IQGAP2: variants seen among roughly 807,000 people sequenced by gnomAD.
The protein encoded by IQGAP2 is IQ motif containing GTPase activating protein 2.
IQGAP2 carries 173 observed loss-of-function variants against 201.3 expected under a neutral mutation model. That is an observed-to-expected ratio of 0.86 (90% CI 0.76 to 0.98). The LOEUF (loss-of-function observed/expected upper bound fraction) is 0.98. IQGAP2 is among the 50% of genes least tolerant of loss of function. The probability of loss-of-function intolerance (pLI) is 0.00; values close to 1 mark genes in which losing one functional copy is unlikely to be tolerated. For missense variants in IQGAP2, 1,687 were observed against 1,864.8 expected (o/e 0.90, Z 1.76); for synonymous variants, 675 against 673.9 (o/e 1.00, Z -0.03).
chr5:76,705,204 C>A (rs1747766437), intron 35 of IQGAP2, among the ~76,000 whole-genome samples: 1 of 152,172 alleles, frequency 6.6e-6, no homozygotes, highest in Non-Finnish European at 1.5e-5. Flanking sequence ...CCAAGTTCTT[C>A]ATCACTCTAG....
rs41271838 is a variant in IQGAP2 at position 76,698,166 on chromosome 5, A to G, written c.4367+19A>G. ...AAAGAAAGTAAGTTAAAATCATGTC[A>G]TGTTCATTTGTAATGTCATGATTTC... On this transcript the variant is annotated intron_variant, in intron 33 of 35. Transcript: ENST00000274364. The G allele has an allele frequency of 0.015, 23,278 of 1,534,676 alleles. 220 individuals are homozygous for G. The highest frequency in any genetic ancestry group is 0.018 in the Non-Finnish European group (20,438 of 1,115,524).
intron 11 of IQGAP2, among the ~76,000 whole-genome samples, chr5:76,604,470 AT>A (rs1311680990): frequency 6.6e-6 from 1 of 152,108 alleles, no homozygotes; most frequent in East Asian, 1.9e-4. Context: ...TAGTAGAATG[AT>A]TTATAATCAT....
At chr5:76,479,280 T>C (rs1724450693) in intron 2 of IQGAP2, among the ~76,000 whole-genome samples, 1 of 152,174 alleles carries the variant, frequency 6.6e-6, no homozygotes, top group Non-Finnish European at 1.5e-5. Context: ...GCAGAATGGG[T>C]GCTAGGTTGC....
rs763443800 is a variant in IQGAP2 at position 76,677,213 on chromosome 5, A to G, written c.3528-5A>G. 5.6e-6 allele frequency: 9 copies of G among 1,611,922 alleles called. No homozygotes were observed. The South Asian group carries it at 6.6e-5, about 12-fold the overall frequency. ...CTGTCTTAAGACTTTTCCCCCCTTT[A>G]TTAGGAAATATTTCAAAGAAGCATG... On this transcript the variant is annotated splice_polypyrimidine_tract_variant and splice_region_variant and intron_variant, in intron 27 of 35. Transcript: ENST00000274364.
At chr5:76,619,338 A>G (rs1658077341) in intron 13 of IQGAP2, among the ~76,000 whole-genome samples, 1 of 152,092 alleles carries the variant, frequency 6.6e-6, no homozygotes, top group African/African-American at 2.4e-5. Flanking sequence ...AAGAAATCAT[A>G]TGTCTATTCA....
chr5:76,413,019 GC>G (rs1475380062), intron 1 of IQGAP2, among the ~76,000 whole-genome samples: 2 of 152,038 alleles, frequency 1.3e-5, no homozygotes, highest in Non-Finnish European at 2.9e-5. Flanking sequence ...CATTACTGCT[GC>G]CCCTTGGTCT....
chr5:76,608,486 G>C (rs770754635), intron 12 of IQGAP2, among the ~76,000 whole-genome samples: 1 of 152,114 alleles, frequency 6.6e-6, no homozygotes, highest in Non-Finnish European at 1.5e-5. Flanking sequence ...ATTGTAACCA[G>C]GCAGGAATTG....
intron 1 of IQGAP2, among the ~76,000 whole-genome samples, chr5:76,424,207 C>G (rs529893644): frequency 4.6e-5 from 7 of 152,304 alleles, no homozygotes; most frequent in East Asian, 1.9e-4. Flanking sequence ...TTTATTCCCC[C>G]CTGCTTTCAT....
chr5:76,624,512 A>AAT lies in IQGAP2; in HGVS notation c.1522-2893_1522-2892dup, dbSNP rs143714019. On this transcript the variant is annotated intron_variant, in intron 13 of 35. Transcript: ENST00000274364. ...TCAGTGTTTAATACTTCAACTACATAATATATGGTTATACAAACTGAGATA... is the reference window on the plus strand; with the variant it reads ...TCAGTGTTTAATACTTCAACTACATAATATATATGGTTATACAAACTGAGATA... 2.9e-3 allele frequency: 436 copies of AAT among 152,370 alleles called. 2 individuals carry two copies. Among genetic ancestry groups the AAT allele is most frequent in the African/African-American group, 0.01 (416 of 41,592 alleles). 9.4% of individuals were successfully genotyped at this position (152,370 alleles called of 1,614,324 possible).
At chr5:76,496,576 A>G (rs867449608) in intron 2 of IQGAP2, among the ~76,000 whole-genome samples, 13 of 152,200 alleles carry the variant, frequency 8.5e-5, no homozygotes, top group Admixed American at 3.3e-4. Context: ...AGAGGGGCCT[A>G]CACGAAGGTG....
intron 2 of IQGAP2, among the ~76,000 whole-genome samples, chr5:76,500,977 T>A (rs1441479311): frequency 6.6e-6 from 1 of 152,212 alleles, no homozygotes; most frequent in Non-Finnish European, 1.5e-5. Context: ...AGTCTGTGTT[T>A]CCAAAACCCT....
chr5:76,559,950 A>G (rs533489370), intron 2 of IQGAP2, among the ~76,000 whole-genome samples: 6 of 152,158 alleles, frequency 3.9e-5, no homozygotes, highest in Non-Finnish European at 8.8e-5. Flanking sequence ...GGTTCCGGCC[A>G]CCCAAGACCC....
chr5:76,551,261 G>A (rs1208330632), intron 2 of IQGAP2, among the ~76,000 whole-genome samples: 1 of 151,348 alleles, frequency 6.6e-6, no homozygotes, highest in African/African-American at 2.4e-5. Context: ...CAGACGGGGC[G>A]GCGGGGCAGA....
chr5:76,557,092 C>T (rs760589205), intron 2 of IQGAP2, among the ~76,000 whole-genome samples: 31 of 152,190 alleles, frequency 2.0e-4, no homozygotes, highest in Non-Finnish European at 3.8e-4. Flanking sequence ...GGAACTCTAC[C>T]GCTACTCTGG....
At chr5:76,598,570 T>C (rs554495136) in intron 10 of IQGAP2, among the ~76,000 whole-genome samples, 1 of 152,314 alleles carries the variant, frequency 6.6e-6, no homozygotes, top group East Asian at 1.9e-4. Flanking sequence ...TAACCCAGCG[T>C]AGGGATAGAT....
chr5:76,659,307 G>A (rs1423650740), intron 21 of IQGAP2, among the ~76,000 whole-genome samples: 2 of 152,126 alleles, frequency 1.3e-5, no homozygotes, highest in African/African-American at 4.8e-5. Context: ...TATTTAAAGA[G>A]TAATTAATAA....
chr5:76,545,456 C>A (rs1262458060), intron 2 of IQGAP2, among the ~76,000 whole-genome samples: 1 of 152,164 alleles, frequency 6.6e-6, no homozygotes, highest in Non-Finnish European at 1.5e-5. Context: ...TTGTGCTGGA[C>A]CCCTAAAAGT....
At chr5:76,624,666 C>A (rs1181110963) in intron 13 of IQGAP2, among the ~76,000 whole-genome samples, 1 of 152,146 alleles carries the variant, frequency 6.6e-6, no homozygotes, top group Non-Finnish European at 1.5e-5. Flanking sequence ...GGCCTAGTTT[C>A]TGGTCATTTA....
intron 2 of IQGAP2, among the ~76,000 whole-genome samples, chr5:76,552,002 CAG>C: frequency 6.6e-6 from 1 of 152,258 alleles, no homozygotes; most frequent in East Asian, 1.9e-4. Flanking sequence ...CACACTGAGA[CAG>C]AGAGAGCCTC....
Sources: gnomAD v4.1 joint callset for allele counts (sites outside exome capture counted in the v4.1 genomes callset) on GRCh38, gnomAD v4.1.1 for gene constraint, MANE v1.5 for transcripts, NCBI Gene and HGNC (gene_info 2026-07-23, HGNC 2026-07-21) for gene names.